PTPDC1: variants seen among roughly 807,000 people sequenced by gnomAD.
PTPDC1 encodes protein tyrosine phosphatase domain containing 1.
Under a neutral mutation model 75.3 loss-of-function variants are expected in PTPDC1, and 53 were observed. The ratio of observed to expected loss-of-function variants is 0.70; its 90% CI spans 0.56 to 0.88. The LOEUF is 0.88. PTPDC1 is among the 40% of genes least tolerant of loss of function. PTPDC1 has a pLI of 0.00. For missense variants in PTPDC1, 925 were observed against 998.6 expected (o/e 0.93, Z 0.99); for synonymous variants, 349 against 366.2 (o/e 0.95, Z 0.54).
At chr9:94,099,413 G>A (rs1413151457) in intron 6 of PTPDC1, among the ~76,000 whole-genome samples, 3 of 152,052 alleles carry the variant, frequency 2.0e-5, no homozygotes, top group Admixed American at 2.0e-4. Context: ...ATAACCTACT[G>A]TGAATTATTT....
intron 2 of PTPDC1, among the ~76,000 whole-genome samples, chr9:94,066,858 A>G (rs1826324713): frequency 6.6e-6 from 1 of 152,176 alleles, no homozygotes; most frequent in South Asian, 2.1e-4. Flanking sequence ...ATGCCCGGCC[A>G]TAAAAAAATT....
At chr9:94,077,811 C>T (rs1826744724) in intron 2 of PTPDC1, among the ~76,000 whole-genome samples, 1 of 152,194 alleles carries the variant, frequency 6.6e-6, no homozygotes, top group African/African-American at 2.4e-5. Flanking sequence ...ACGCTGTAAT[C>T]CTACCTTGGT....
chr9:94,048,607 G>A (rs548691875), intron 1 of PTPDC1, among the ~76,000 whole-genome samples: 1 of 152,186 alleles, frequency 6.6e-6, no homozygotes, highest in Non-Finnish European at 1.5e-5. Flanking sequence ...CATTTGCCGA[G>A]GAGTGCTTTA....
chr9:94,097,925 G>A lies in PTPDC1; in HGVS notation c.1359G>A (p.Lys453=), dbSNP rs1827672567. The A allele has an allele frequency of 1.9e-6, 3 of 1,614,050 alleles. No homozygotes were observed. In the Admixed American group the frequency reaches 5.0e-5, roughly 27 times the overall value. Residue 453 remains lysine, a synonymous_variant, in exon 6 of 9, where the codon AAG becomes AAA. Transcript: ENST00000620992. ...RRLSYSDSDL[K]RAENLLEQGE... ...TCAGCTACAGTGACTCAGATTTAAA[G>A]AGGGCCGAGAACCTCCTGGAGCAAG...
At chr9:94,078,938 G>A (rs1353619605) in intron 2 of PTPDC1, among the ~76,000 whole-genome samples, 1 of 152,090 alleles carries the variant, frequency 6.6e-6, no homozygotes, top group African/African-American at 2.4e-5. Flanking sequence ...GAATATATTT[G>A]TAATGGCTGC....
At chr9:94,063,661 A>G (rs1826211911) in intron 1 of PTPDC1, among the ~76,000 whole-genome samples, 1 of 152,196 alleles carries the variant, frequency 6.6e-6, no homozygotes, top group Non-Finnish European at 1.5e-5. Flanking sequence ...TGCTTTTAGA[A>G]GTAAAATTTT....
chr9:94,095,174 T>TA (rs1343159587), intron 4 of PTPDC1, 143 bp from the exon 5 acceptor site: 12 of 570,824 alleles, frequency 2.1e-5, no homozygotes, highest in African/African-American at 1.3e-4. Context: ...ACTGGGAATG[T>TA]AAAATCCCTC....
At chr9:94,075,730 G>A (rs1826663457) in intron 2 of PTPDC1, among the ~76,000 whole-genome samples, 1 of 152,094 alleles carries the variant, frequency 6.6e-6, no homozygotes, top group South Asian at 2.1e-4. Flanking sequence ...TGAGGAATGG[G>A]GCAACTCTAC....
At chr9:94,064,401 T>G (rs891751407) in intron 1 of PTPDC1, among the ~76,000 whole-genome samples, 10 of 152,178 alleles carry the variant, frequency 6.6e-5, no homozygotes, top group Non-Finnish European at 1.2e-4. Context: ...TAATTTTTGG[T>G]TTTTTGACAT....
intron 2 of PTPDC1, among the ~76,000 whole-genome samples, chr9:94,078,066 T>C (rs147155532): frequency 6.6e-6 from 1 of 152,328 alleles, no homozygotes; most frequent in African/African-American, 2.4e-5. Flanking sequence ...TTTGCCTCCT[T>C]GGGACATTTC....
intron 1 of PTPDC1, among the ~76,000 whole-genome samples, chr9:94,049,479 G>C (rs1275766196): frequency 1.3e-5 from 2 of 152,138 alleles, no homozygotes; most frequent in African/African-American, 2.4e-5. Flanking sequence ...ATGAAGCTTA[G>C]TTTGGCTGGA....
chr9:94,109,623 C>G lies in PTPDC1; in HGVS notation c.*1679C>G, dbSNP rs1828129215. The G allele has an allele frequency of 1.3e-5, 2 of 152,132 alleles. No individual in the cohort carries two copies. Among genetic ancestry groups the G allele is most frequent in the South Asian group, 4.1e-4 (2 of 4,824 alleles). The allele number at this position is 152,132 out of a possible 1,614,324, so 9.4% of individuals were successfully genotyped here. A position where few individuals can be genotyped will look rare whatever the true frequency, so the allele number is the denominator to read the frequency against. ...TTTTTACCAAAAAAAGATGTTTGTT[C>G]TCATCTCAGTAGGCCTCATTTGGGC... On this transcript the variant is annotated 3_prime_UTR_variant, in exon 9 of 9. Transcript: ENST00000620992.
intron 2 of PTPDC1, among the ~76,000 whole-genome samples, chr9:94,079,129 C>T (rs1360539293): frequency 6.6e-6 from 1 of 152,118 alleles, no homozygotes; most frequent in East Asian, 1.9e-4. Flanking sequence ...CCTCCCCGGA[C>T]TTGTTTTTGT....
chr9:94,095,244 TA>T, intron 4 of PTPDC1, 72 bp from the exon 5 acceptor site: 1 of 1,190,408 alleles, frequency 8.4e-7, no homozygotes. Flanking sequence ...TAGATCTGTG[TA>T]CTTTTCATTA....
intron 4 of PTPDC1, among the ~76,000 whole-genome samples, chr9:94,093,730 G>A (rs1827421032): frequency 6.9e-6 from 1 of 144,264 alleles, no homozygotes; most frequent in African/African-American, 2.6e-5. Context: ...CCAATCAGAC[G>A]TAGATTTGGT....
intron 4 of PTPDC1, among the ~76,000 whole-genome samples, chr9:94,092,616 T>G (rs1417556682): frequency 2.6e-5 from 4 of 151,908 alleles, no homozygotes; most frequent in Admixed American, 1.3e-4. Flanking sequence ...GGTGCAGAGC[T>G]GAGTTCAATT....
At position 94,095,346 on chromosome 9, in the gene PTPDC1, T is replaced by G; in HGVS notation, c.646T>G (p.Tyr216Asp). Residue 216 changes from tyrosine to aspartate, a missense_variant, in exon 5 of 9, where the codon TAT becomes GAT. Transcript: ENST00000620992. ...CTTCTACAATTTCGGATGGAAGGAT[T>G]ATGGTGTAGCGTCTCTTACTACTAT... Reference protein sequence around the residue: ...IYFYNFGWKDYGVASLTTILD... With the variant: ...IYFYNFGWKDDGVASLTTILD... 6.2e-7 allele frequency: 1 copy of G among 1,610,728 alleles called. No homozygotes were observed. Among genetic ancestry groups the G allele is most frequent in the Non-Finnish European group, 8.5e-7 (1 of 1,178,468 alleles).
At position 94,096,007 on chromosome 9, in the gene PTPDC1, C is replaced by T. The variant is rs12001755; in HGVS notation, c.754+553C>T. ...TCTGACTCCAGAGTTCATGTGCTTT[C>T]CATTTTTGGAGGTATAAGGATTTTG... On this transcript the variant is annotated intron_variant, in intron 5 of 8. Transcript: ENST00000620992. Among the ~76,000 whole-genome samples the T allele has an allele frequency of 1.7e-3, 261 of 152,294 alleles. 2 individuals are homozygous for T. The highest frequency in any genetic ancestry group is 5.9e-3 in the African/African-American group (246 of 41,552).
At position 94,101,637 on chromosome 9, in the gene PTPDC1, C is replaced by T; in HGVS notation, c.2085C>T (p.Ser695=). 6.2e-7 allele frequency: 1 copy of T among 1,613,884 alleles called. No individual in the cohort carries two copies. Among genetic ancestry groups the T allele is most frequent in the Non-Finnish European group, 8.5e-7 (1 of 1,179,874 alleles). Residue 695 remains serine (S), a synonymous_variant, in exon 7 of 9, where the codon AGC becomes AGT. Coordinates refer to ENST00000620992, the MANE Select transcript of PTPDC1 (RefSeq NM_001253829.2). The stretch of plus-strand genomic sequence containing the variant: ...AGAGGGACCCTTTCATCCTATGCAG[C>T]TTGATGTGGTCTTGGGTGGAGCAAC... The part of the protein sequence containing the change: ...CGERDPFILC[S]LMWSWVEQLK...
Sources: allele counts gnomAD v4.1 joint callset (sites outside exome capture counted in the v4.1 genomes callset), GRCh38; gene constraint gnomAD v4.1.1; transcripts MANE v1.5; gene names NCBI Gene and HGNC (gene_info 2026-07-23, HGNC 2026-07-21).